DCBLD2: variants seen among roughly 807,000 people sequenced by gnomAD.
DCBLD2 encodes the protein discoidin, CUB and LCCL domain containing 2.
A neutral mutation model predicts 86.8 loss-of-function variants in DCBLD2; 54 were observed. The observed-to-expected ratio is 0.62, with a 90% CI of 0.50 to 0.78. DCBLD2 has a LOEUF of 0.78. Among genes scored for constraint, DCBLD2 ranks in the 30% least tolerant of loss-of-function variants. The pLI, the probability that DCBLD2 is intolerant of heterozygous loss-of-function variation, is 0.00. For missense variants in DCBLD2, 908 were observed against 954.2 expected (o/e 0.95, Z 0.64); for synonymous variants, 354 against 341.3 (o/e 1.04, Z -0.41).
chr3:98,870,240 A>G (rs1943235042), intron 2 of DCBLD2, among the ~76,000 whole-genome samples: 1 of 152,120 alleles, frequency 6.6e-6, no homozygotes, highest in African/African-American at 2.4e-5. Flanking sequence ...GTCAAAGATC[A>G]GTTGGTTGTA....
chr3:98,825,610 A>T (rs1942200675), intron 3 of DCBLD2, among the ~76,000 whole-genome samples: 2 of 142,240 alleles, frequency 1.4e-5, no homozygotes, highest in African/African-American at 5.0e-5. Context: ...AGGAAGTCAC[A>T]TACCATATAC....
At position 98,817,819 on chromosome 3, in the gene DCBLD2, C is replaced by G; in HGVS notation, c.1162G>C (p.Asp388His). 8 of 1,613,718 alleles carry G rather than the reference C, an allele frequency of 5.0e-6. No homozygotes were observed. Among genetic ancestry groups the G allele is most frequent in the Non-Finnish European group, 6.8e-6 (8 of 1,179,708 alleles). ...VSAYRILYSD[D>H]GQKWTVYREP... ...CTGTACACAGTCCATTTCTGCCCAT[C>G]ATCACTGTACAGGATTCTGTAGGCA... The change falls in exon 9 of 16, where the codon GAT (aspartate) becomes CAT (histidine). Residue 388 changes from aspartate (D) to histidine (H), a missense_variant. Coordinates refer to ENST00000326840, the MANE Select transcript of DCBLD2 (RefSeq NM_080927.4).
chr3:98,863,661 T>A (rs1413218922), intron 2 of DCBLD2, among the ~76,000 whole-genome samples: 1 of 152,210 alleles, frequency 6.6e-6, no homozygotes, highest in Non-Finnish European at 1.5e-5. Context: ...GCTAGCCATA[T>A]GTAGAAAGCT....
At chr3:98,803,973 C>G (rs903353066) in intron 13 of DCBLD2, among the ~76,000 whole-genome samples, 1 of 152,248 alleles carries the variant, frequency 6.6e-6, no homozygotes, top group South Asian at 2.1e-4. Context: ...ATTTTTGCAT[C>G]GATTTTCATC....
intron 2 of DCBLD2, among the ~76,000 whole-genome samples, chr3:98,850,915 T>C (rs1167926561): frequency 1.3e-5 from 2 of 152,138 alleles, no homozygotes; most frequent in Non-Finnish European, 2.9e-5. Context: ...AGGAATAAAA[T>C]TGCTTTAAAA....
intron 2 of DCBLD2, among the ~76,000 whole-genome samples, chr3:98,879,284 G>A (rs1319000151): frequency 6.6e-6 from 1 of 152,146 alleles, no homozygotes; most frequent in African/African-American, 2.4e-5. Flanking sequence ...ACTTGAGAAT[G>A]TCTCTAACAA....
chr3:98,817,648 C>A, intron 9 of DCBLD2, 121 bp downstream of exon 9: 1 of 916,306 alleles, frequency 1.1e-6, no homozygotes, highest in Non-Finnish European at 1.6e-6. Context: ...CTAAAATAAC[C>A]ACAAGAGGGT....
At chr3:98,868,312 T>C (rs965824943) in intron 2 of DCBLD2, among the ~76,000 whole-genome samples, 2 of 152,176 alleles carry the variant, frequency 1.3e-5, no homozygotes, top group African/African-American at 2.4e-5. Flanking sequence ...TCATTTATTA[T>C]ATTTAATTAT....
At chr3:98,879,381 C>T (rs1943422495) in intron 2 of DCBLD2, among the ~76,000 whole-genome samples, 1 of 152,080 alleles carries the variant, frequency 6.6e-6, no homozygotes, top group African/African-American at 2.4e-5. Flanking sequence ...TCAAATTTCT[C>T]TGATAATCTT....
chr3:98,801,955 T>C (rs1941730507), intron 13 of DCBLD2: 1 of 227,140 alleles, frequency 4.4e-6, no homozygotes, highest in South Asian at 1.1e-4. Flanking sequence ...CAATCTATCA[T>C]TCATGGACAT....
intron 1 of DCBLD2, among the ~76,000 whole-genome samples, chr3:98,896,597 AGAAAG>A (rs1943754281): frequency 6.6e-6 from 1 of 152,248 alleles, no homozygotes; most frequent in African/African-American, 2.4e-5. Flanking sequence ...AATATGTAAT[AGAAAG>A]GAAAGTTAAA....
intron 1 of DCBLD2, among the ~76,000 whole-genome samples, chr3:98,895,687 G>A (rs1943740324): frequency 6.6e-6 from 1 of 151,982 alleles, no homozygotes; most frequent in South Asian, 2.1e-4. Context: ...ATTATAGTAG[G>A]CGTCTCCTGC....
At position 98,836,718 on chromosome 3, in the gene DCBLD2, G is replaced by A. The variant is rs111374764; in HGVS notation, c.572-11352C>T. On this transcript the variant is annotated intron_variant, in intron 3 of 15. Transcript: ENST00000326840. The stretch of plus-strand genomic sequence containing the variant: ...TCCCGGACGGGGCGGCTGGCCGGGC[G>A]GGGGGGCTGACCCCCCCATCTCCCT... 4.5e-4 allele frequency among the ~76,000 whole-genome samples: 18 copies of A among 39,620 alleles called. 2 individuals are homozygous for A. Among genetic ancestry groups the A allele is most frequent in the East Asian group, 1.6e-3 (1 of 632 alleles). The allele number at this position is 39,620 out of a possible 152,430, so 26.0% of individuals were successfully genotyped here. A position where few individuals can be genotyped will look rare whatever the true frequency, so the allele number is the denominator to read the frequency against.
intron 2 of DCBLD2, among the ~76,000 whole-genome samples, chr3:98,879,608 C>T (rs748673008): frequency 8.5e-5 from 13 of 152,214 alleles, no homozygotes; most frequent in Middle Eastern, 3.4e-3. Flanking sequence ...AGGATGGTCT[C>T]GATCACCTGA....
chr3:98,825,197 A>G, intron 4 of DCBLD2, 118 bp downstream of exon 4: 1 of 696,678 alleles, frequency 1.4e-6, no homozygotes, highest in Non-Finnish European at 2.2e-6. Flanking sequence ...TCTCGGAACA[A>G]TGATATGTAT....
At chr3:98,853,901 T>C (rs1192852532) in intron 2 of DCBLD2, among the ~76,000 whole-genome samples, 1 of 152,158 alleles carries the variant, frequency 6.6e-6, no homozygotes, top group South Asian at 2.1e-4. Flanking sequence ...CAAAAGCACA[T>C]CAGCTCTGCC....
chr3:98,799,351 T>C lies in DCBLD2; in HGVS notation c.*21A>G. Reference sequence around the variant, plus strand: ...AGGCCATGTGCTTTAAAACGATGCTTTGTAAAAAGCAGCATCATCTTCAAA... The same window carrying C: ...AGGCCATGTGCTTTAAAACGATGCTCTGTAAAAAGCAGCATCATCTTCAAA... On this transcript the variant is annotated 3_prime_UTR_variant, in exon 16 of 16. Transcript: ENST00000326840. 1 of 1,572,444 alleles carries C rather than the reference T, an allele frequency of 6.4e-7. No homozygotes were observed. The highest frequency in any genetic ancestry group is 8.6e-7 in the Non-Finnish European group (1 of 1,160,910).
chr3:98,853,171 T>G (rs907738795), intron 2 of DCBLD2, among the ~76,000 whole-genome samples: 1 of 152,236 alleles, frequency 6.6e-6, no homozygotes, highest in Non-Finnish European at 1.5e-5. Context: ...GAAGTTAGAA[T>G]TGATGGCTCA....
At chr3:98,873,539 A>G (rs1426443173) in intron 2 of DCBLD2, among the ~76,000 whole-genome samples, 1 of 152,120 alleles carries the variant, frequency 6.6e-6, no homozygotes, top group Non-Finnish European at 1.5e-5. Context: ...ATTGGGTAAA[A>G]GAAAAACATA....
Sources: allele counts gnomAD v4.1 joint callset (sites outside exome capture counted in the v4.1 genomes callset), GRCh38; gene constraint gnomAD v4.1.1; transcripts MANE v1.5; gene names NCBI Gene and HGNC (gene_info 2026-07-23, HGNC 2026-07-21).